Variants in ECT2 observed in about 807,000 individuals in gnomAD.
ECT2 encodes epithelial cell transforming 2.
ECT2 carries 61 observed loss-of-function variants against 116.9 expected under a neutral mutation model. That is an observed-to-expected ratio of 0.52 (90% CI 0.42 to 0.65). The LOEUF is 0.65. Ranked by LOEUF, ECT2 falls within the 30% of genes least tolerant of loss-of-function variation. ECT2 has a pLI of 0.00. For missense variants in ECT2, 937 were observed against 1,078.7 expected (o/e 0.87, Z 1.84); for synonymous variants, 358 against 346.4 (o/e 1.03, Z -0.37).
intron 22 of ECT2, among the ~76,000 whole-genome samples, chr3:172,808,713 C>T (rs192283273): frequency 6.6e-6 from 1 of 152,162 alleles, no homozygotes; most frequent in African/African-American, 2.4e-5. Context: ...AATAGATGAC[C>T]CTTTTCGGTA....
chr3:172,760,186 G>C lies in ECT2; in HGVS notation c.607G>C (p.Gly203Arg). The C allele has an allele frequency of 1.2e-6, 2 of 1,611,402 alleles. No homozygotes were observed. The highest frequency in any genetic ancestry group is 1.7e-6 in the Non-Finnish European group (2 of 1,178,546). ...VRLVTLVHHM[G>R]GVIRKDFNSK... is the part of the protein sequence containing the mutation. ...GTTGGTGACATTGGTCCATCACATG[G>C]GTGGAGTTATTCGAAAAGACTTTAA... Residue 203 changes from glycine (G) to arginine (R), a missense_variant, in exon 7 of 25, where the codon GGT (glycine) becomes CGT (arginine). Coordinates refer to ENST00000392692, the MANE Select transcript of ECT2 (RefSeq NM_001258315.2).
chr3:172,755,228 G>A (rs1004435018), intron 2 of ECT2, 67 bp from the exon 3 acceptor site: 9 of 1,248,774 alleles, frequency 7.2e-6, no homozygotes, highest in Non-Finnish European at 8.9e-6. Context: ...AGCCAAAAGA[G>A]CGATAAGGAC....
At chr3:172,772,889 T>C (rs1170506050) in intron 13 of ECT2, among the ~76,000 whole-genome samples, 4 of 152,244 alleles carry the variant, frequency 2.6e-5, no homozygotes, top group Non-Finnish European at 5.9e-5. Context: ...GAATTGCTTT[T>C]GGACCTTTGC....
At chr3:172,766,702 G>T (rs1719460235) in intron 12 of ECT2, among the ~76,000 whole-genome samples, 1 of 152,180 alleles carries the variant, frequency 6.6e-6, no homozygotes. Context: ...TTGGAGGGAG[G>T]TAGTGAAGTT....
chr3:172,761,521 C>A (rs1298729914), intron 7 of ECT2, 89 bp from the exon 8 acceptor site: 1 of 850,484 alleles, frequency 1.2e-6, no homozygotes, highest in African/African-American at 1.7e-5. Flanking sequence ...TGATCTAAAA[C>A]TGCAAAAAAT....
chr3:172,785,136 G>A (rs1029507225), intron 17 of ECT2, among the ~76,000 whole-genome samples: 5 of 152,180 alleles, frequency 3.3e-5, no homozygotes, highest in East Asian at 1.9e-4. Context: ...AAGATAATTT[G>A]TATGTCCCGA....
At chr3:172,791,703 C>T (rs964499470) in intron 18 of ECT2, among the ~76,000 whole-genome samples, 2 of 152,210 alleles carry the variant, frequency 1.3e-5, no homozygotes, top group African/African-American at 4.8e-5. Context: ...ATTGTTAAGG[C>T]TGGTCTGATC....
chr3:172,764,467 T>TC lies in ECT2; in HGVS notation c.1260dup (p.Asn421GlnfsTer6). The stretch of plus-strand genomic sequence containing the variant: ...TTCCATAGGGTCACTCCTAGATATC[T>TC]CCAACACACCAGAGTCTAGCATTAA... On this transcript the variant is annotated frameshift_variant, in exon 12 of 25. Transcript: ENST00000392692. LOFTEE classifies it high-confidence loss of function. 6.2e-7 allele frequency: 1 copy of TC among 1,614,074 alleles called. No homozygotes were observed. The highest frequency in any genetic ancestry group is 8.5e-7 in the Non-Finnish European group (1 of 1,179,954).
chr3:172,769,194 A>C, intron 13 of ECT2, 51 bp downstream of exon 13: 1 of 1,507,104 alleles, frequency 6.6e-7, no homozygotes, highest in South Asian at 1.3e-5. Flanking sequence ...GTTCCTAAGT[A>C]AAAAAATCTA....
intron 16 of ECT2, 76 bp from the exon 17 acceptor site, chr3:172,784,631 G>T: frequency 1.0e-6 from 1 of 995,526 alleles, no homozygotes; most frequent in Non-Finnish European, 1.6e-6. Flanking sequence ...TAATGATAAG[G>T]TGTACTCCAG....
intron 23 of ECT2, 74 bp downstream of exon 23, chr3:172,815,785 C>T (rs779072624): frequency 5.4e-6 from 5 of 924,052 alleles, no homozygotes; most frequent in Non-Finnish European, 8.6e-6. Context: ...AATATTGCTG[C>T]AAACACCAGT....
At chr3:172,798,503 G>A (rs765959728) in intron 18 of ECT2, among the ~76,000 whole-genome samples, 11 of 152,036 alleles carry the variant, frequency 7.2e-5, no homozygotes, top group African/African-American at 2.7e-4. Context: ...TTGGATTCAC[G>A]AAACTACTAA....
chr3:172,785,825 A>C (rs1723509093), intron 17 of ECT2, among the ~76,000 whole-genome samples: 1 of 152,210 alleles, frequency 6.6e-6, no homozygotes, highest in Non-Finnish European at 1.5e-5. Flanking sequence ...ATATGAACAA[A>C]CTTTAGGTTT....
At chr3:172,804,459 G>A (rs555276075) in intron 20 of ECT2, among the ~76,000 whole-genome samples, 2 of 152,242 alleles carry the variant, frequency 1.3e-5, no homozygotes, top group South Asian at 4.1e-4. Flanking sequence ...TCAACTACCT[G>A]TTTCCCTCAT....
intron 14 of ECT2, 137 bp from the exon 15 acceptor site, chr3:172,782,026 G>A (rs983673001): frequency 7.2e-6 from 3 of 417,256 alleles, no homozygotes; most frequent in African/African-American, 4.1e-5. Flanking sequence ...GAGAAAGAAT[G>A]GGATGTTCAT....
chr3:172,788,460 G>A (rs58404809), intron 18 of ECT2, among the ~76,000 whole-genome samples: 70,227 of 152,034 alleles, frequency 0.46, 19,336 homozygotes, highest in East Asian at 0.69. Flanking sequence ...CAATCAAGAT[G>A]AAGAACATTT....
intron 18 of ECT2, among the ~76,000 whole-genome samples, chr3:172,794,815 A>G (rs539930327): frequency 6.6e-6 from 1 of 152,160 alleles, no homozygotes; most frequent in African/African-American, 2.4e-5. Flanking sequence ...CCCGGGTTCA[A>G]GTGATTCCCC....
chr3:172,767,656 G>A (rs988119684), intron 12 of ECT2, among the ~76,000 whole-genome samples: 3 of 151,924 alleles, frequency 2.0e-5, no homozygotes, highest in Admixed American at 2.0e-4. Context: ...CATATTAACA[G>A]TAAGAAAACA....
chr3:172,818,986 A>T (rs1730269729), intron 24 of ECT2, among the ~76,000 whole-genome samples: 1 of 152,152 alleles, frequency 6.6e-6, no homozygotes, highest in Non-Finnish European at 1.5e-5. Context: ...TCCAGAAAAA[A>T]TAAGTTCCAT....
Sources: allele counts gnomAD v4.1 joint callset (sites outside exome capture counted in the v4.1 genomes callset), GRCh38; gene constraint gnomAD v4.1.1; transcripts MANE v1.5; gene names NCBI Gene and HGNC (gene_info 2026-07-23, HGNC 2026-07-21).